The following BFAR variants were observed in gnomAD, a reference collection of about 807,000 sequenced individuals.
The protein encoded by BFAR is bifunctional apoptosis regulator.
A neutral mutation model predicts 54.4 loss-of-function variants in BFAR; 52 were observed. The ratio of observed to expected loss-of-function variants is 0.96; its 90% CI spans 0.77 to 1.21. The LOEUF (loss-of-function observed/expected upper bound fraction) is 1.21, where lower values mean the gene tolerates loss of function less well. Ranked by LOEUF, BFAR falls within the 50% of genes most tolerant of loss-of-function variation. The pLI is 0.00. For synonymous variants in BFAR, 215 were observed against 204.3 expected (o/e 1.05, Z -0.45); for missense variants, 571 against 534.0 (o/e 1.07, Z -0.68).
At chr16:14,648,893 C>A in intron 3 of BFAR, among the ~76,000 whole-genome samples, 1 of 151,942 alleles carries the variant, frequency 6.6e-6, no homozygotes, top group East Asian at 1.9e-4. Flanking sequence ...CGGACTCTTG[C>A]TCTGTCGCCC....
At chr16:14,633,655 CT>C (rs923939361) in intron 1 of BFAR, among the ~76,000 whole-genome samples, 4 of 151,904 alleles carry the variant, frequency 2.6e-5, no homozygotes, top group African/African-American at 9.7e-5. Context: ...AGAGAATTTT[CT>C]TTTTTTTCTT....
At chr16:14,647,013 G>A (rs1959816645) in intron 2 of BFAR, among the ~76,000 whole-genome samples, 1 of 152,060 alleles carries the variant, frequency 6.6e-6, no homozygotes, top group South Asian at 2.1e-4. Flanking sequence ...CTGAGCTCAA[G>A]TGAACCTCCT....
At chr16:14,663,487 A>G (rs562732327) in intron 6 of BFAR, among the ~76,000 whole-genome samples, 1 of 151,892 alleles carries the variant, frequency 6.6e-6, no homozygotes, top group South Asian at 2.1e-4. Flanking sequence ...GCCCGCCACC[A>G]CACCCGGCTA....
chr16:14,650,886 A>T (rs528606272), intron 4 of BFAR, among the ~76,000 whole-genome samples: 77 of 152,054 alleles, frequency 5.1e-4, no homozygotes, highest in Middle Eastern at 3.4e-3. Flanking sequence ...CTCTATTCAG[A>T]CTCTATGTTT....
chr16:14,647,202 A>G (rs1374010747), intron 2 of BFAR, among the ~76,000 whole-genome samples: 1 of 152,034 alleles, frequency 6.6e-6, no homozygotes, highest in African/African-American at 2.4e-5. Flanking sequence ...CTCCTGCCTC[A>G]GCCTCCCAAG....
chr16:14,659,477 C>G (rs532124645), intron 5 of BFAR, among the ~76,000 whole-genome samples: 1 of 151,760 alleles, frequency 6.6e-6, no homozygotes, highest in Non-Finnish European at 1.5e-5. Flanking sequence ...CTCCTGACCT[C>G]AGGCAATCTG....
At chr16:14,633,819 A>G (rs1258281094) in intron 1 of BFAR, among the ~76,000 whole-genome samples, 1 of 151,852 alleles carries the variant, frequency 6.6e-6, no homozygotes, top group Non-Finnish European at 1.5e-5. Flanking sequence ...CGCCCGGCTG[A>G]TTTTTGTATT....
chr16:14,643,378 G>A (rs1256145273), intron 1 of BFAR, among the ~76,000 whole-genome samples: 3 of 152,080 alleles, frequency 2.0e-5, no homozygotes, highest in Admixed American at 6.6e-5. Flanking sequence ...AAGGAAGTTA[G>A]TGAAGGAGAA....
chr16:14,654,685 T>C (rs1421047198), intron 4 of BFAR, among the ~76,000 whole-genome samples: 1 of 151,846 alleles, frequency 6.6e-6, no homozygotes, highest in Non-Finnish European at 1.5e-5. Flanking sequence ...AGTAGAGACG[T>C]GGTTTCACCA....
chr16:14,634,561 G>C (rs973973197), intron 1 of BFAR, among the ~76,000 whole-genome samples: 3 of 152,220 alleles, frequency 2.0e-5, no homozygotes, highest in Non-Finnish European at 4.4e-5. Context: ...GGGCTCCGCA[G>C]CTCACGCCTG....
intron 1 of BFAR, among the ~76,000 whole-genome samples, chr16:14,639,617 C>A (rs888168276): frequency 3.9e-5 from 6 of 152,186 alleles, no homozygotes; most frequent in Non-Finnish European, 5.9e-5. Flanking sequence ...GCCACCACGC[C>A]AGGCCAGAAA....
chr16:14,659,109 G>T (rs572295051), intron 5 of BFAR, among the ~76,000 whole-genome samples: 2 of 151,824 alleles, frequency 1.3e-5, no homozygotes, highest in East Asian at 3.9e-4. Context: ...GGGTTTCACC[G>T]TGTTGGCCAG....
chr16:14,646,538 G>A (rs1359656317), intron 2 of BFAR, among the ~76,000 whole-genome samples: 1 of 149,622 alleles, frequency 6.7e-6, no homozygotes, highest in Admixed American at 6.8e-5. Context: ...CACCCTTGTT[G>A]CCCGGGCTGG....
intron 5 of BFAR, among the ~76,000 whole-genome samples, chr16:14,659,446 G>A (rs942631106): frequency 1.3e-5 from 2 of 150,796 alleles, no homozygotes; most frequent in Non-Finnish European, 2.9e-5. Context: ...GTTTCACCAT[G>A]TTGGTCAGGC....
chr16:14,666,387 A>G (rs12922530), intron 7 of BFAR, among the ~76,000 whole-genome samples: 3,866 of 152,312 alleles, frequency 0.025, 74 homozygotes, highest in Non-Finnish European at 0.039. Context: ...CCTGGCCAAC[A>G]TAGTGAAACC....
chr16:14,661,746 T>G, intron 5 of BFAR, 146 bp from the exon 6 acceptor site: 12 of 864,764 alleles, frequency 1.4e-5, no homozygotes, highest in Non-Finnish European at 2.0e-5. Flanking sequence ...TGTGGATCAC[T>G]TGGCCTCTTC....
At chr16:14,652,052 A>C (rs1959984468) in intron 4 of BFAR, among the ~76,000 whole-genome samples, 3 of 151,442 alleles carry the variant, frequency 2.0e-5, no homozygotes, top group Admixed American at 6.6e-5. Context: ...ACGCCCGGCT[A>C]ATTTTTGTAT....
intron 4 of BFAR, among the ~76,000 whole-genome samples, chr16:14,653,234 C>T (rs1960024483): frequency 6.6e-6 from 1 of 152,112 alleles, no homozygotes; most frequent in Admixed American, 6.6e-5. Context: ...GTTGCATATG[C>T]CTGTTAATAG....
chr16:14,640,314 G>A (rs1959582201), intron 1 of BFAR, among the ~76,000 whole-genome samples: 2 of 152,138 alleles, frequency 1.3e-5, no homozygotes, highest in Admixed American at 1.3e-4. Context: ...TGAAAGCTCG[G>A]GGGTCAGGCA....
Sources: allele counts gnomAD v4.1 joint callset (sites outside exome capture counted in the v4.1 genomes callset), GRCh38; gene constraint gnomAD v4.1.1; transcripts MANE v1.5; gene names NCBI Gene and HGNC (gene_info 2026-07-23, HGNC 2026-07-21).